Variants in PHF24 observed in about 807,000 individuals in gnomAD.
PHF24 encodes the protein Galpha inhibitory interacting protein.
A neutral mutation model predicts 42.6 loss-of-function variants in PHF24; 25 were observed. That is an observed-to-expected ratio of 0.59 (90% CI 0.43 to 0.82). The LOEUF is 0.82. PHF24 is among the 40% of genes least tolerant of loss of function. The pLI is 0.00. For synonymous variants in PHF24, 185 were observed against 204.8 expected, an observed-to-expected ratio of 0.90 and a Z score of 0.83; for missense variants, 470 against 538.1, an observed-to-expected ratio of 0.87 and a Z score of 1.25.
chr9:34,926,160 C>T, the PHF24 span, among the ~76,000 whole-genome samples: 3 of 152,200 alleles, frequency 2.0e-5, no homozygotes, highest in Non-Finnish European at 4.4e-5. This position sits in a 1 kb window ranked among gnomAD's most constrained non-coding sequence, Gnocchi z 4.3. Context: ...GCCTGTTTCT[C>T]AGGTCAGAGG....
chr9:34,719,399 A>C, the PHF24 span, among the ~76,000 whole-genome samples: 4 of 152,140 alleles, frequency 2.6e-5, no homozygotes, highest in African/African-American at 9.6e-5. Context: ...GCCTCTCTTC[A>C]CCCTGGGGAA....
chr9:34,729,118 G>A, the PHF24 span, among the ~76,000 whole-genome samples: 2 of 152,168 alleles, frequency 1.3e-5, no homozygotes, highest in Non-Finnish European at 2.9e-5. Flanking sequence ...TATGTTGCGG[G>A]AAGGGCCTGG....
chr9:34,786,876 C>A, the PHF24 span, among the ~76,000 whole-genome samples: 1 of 152,156 alleles, frequency 6.6e-6, no homozygotes, highest in Non-Finnish European at 1.5e-5. Flanking sequence ...ATCAGACACA[C>A]CATTTGGTGT....
At chr9:34,671,693 C>A in the PHF24 span, among the ~76,000 whole-genome samples, 1 of 152,158 alleles carries the variant, frequency 6.6e-6, no homozygotes, top group Non-Finnish European at 1.5e-5. Context: ...AACTGTTCTG[C>A]CAGACCCAAG....
At chr9:34,869,875 A>T in the PHF24 span, among the ~76,000 whole-genome samples, 1 of 152,066 alleles carries the variant, frequency 6.6e-6, no homozygotes, top group South Asian at 2.1e-4. Flanking sequence ...CTGACTTTTC[A>T]TCCTTGTTAG....
chr9:34,774,341 A>G, the PHF24 span, among the ~76,000 whole-genome samples: 1 of 152,252 alleles, frequency 6.6e-6, no homozygotes, highest in African/African-American at 2.4e-5. Flanking sequence ...CTTGCAAATC[A>G]TATATCTGAT....
the PHF24 span, among the ~76,000 whole-genome samples, chr9:34,894,088 GAAT>G: frequency 6.6e-6 from 1 of 152,230 alleles, no homozygotes; most frequent in African/African-American, 2.4e-5. Context: ...GGAATAAAGA[GAAT>G]AAGACAGGGA....
chr9:34,846,604 T>G, the PHF24 span, among the ~76,000 whole-genome samples: 6 of 152,264 alleles, frequency 3.9e-5, no homozygotes, highest in South Asian at 1.2e-3. Flanking sequence ...TTTAGTTTAA[T>G]TAGATCCCAT....
chr9:34,929,587 G>A, the PHF24 span, among the ~76,000 whole-genome samples: 1 of 152,214 alleles, frequency 6.6e-6, no homozygotes, highest in South Asian at 2.1e-4. Context: ...ACTGGGATCT[G>A]TTGAAGAATT....
At chr9:34,960,827 C>CA (rs919320639) in intron 1 of PHF24, among the ~76,000 whole-genome samples, 6 of 152,152 alleles carry the variant, frequency 3.9e-5, no homozygotes, top group Non-Finnish European at 8.8e-5. Context: ...CATGAGTCTG[C>CA]AAATCAAATC....
the PHF24 span, among the ~76,000 whole-genome samples, chr9:34,737,477 G>T: frequency 6.6e-6 from 1 of 152,002 alleles, no homozygotes; most frequent in Non-Finnish European, 1.5e-5. Context: ...CCAGTTTTTG[G>T]CTACCATGAA....
chr9:34,774,602 T>C, the PHF24 span, among the ~76,000 whole-genome samples: 1 of 152,096 alleles, frequency 6.6e-6, no homozygotes, highest in African/African-American at 2.4e-5. Flanking sequence ...TGAAACCCTC[T>C]CTCCACTAAA....
At chr9:34,938,563 C>T in the PHF24 span, among the ~76,000 whole-genome samples, 8,769 of 152,146 alleles carry the variant, frequency 0.058, 284 homozygotes, top group Non-Finnish European at 0.071. Flanking sequence ...CACTTACTGG[C>T]GATATAACCC....
chr9:34,880,557 C>G, the PHF24 span, among the ~76,000 whole-genome samples: 1 of 152,096 alleles, frequency 6.6e-6, no homozygotes, highest in Non-Finnish European at 1.5e-5. Context: ...GGTTGCAGTC[C>G]TAGTCTCTTA....
At chr9:34,836,284 G>T in the PHF24 span, among the ~76,000 whole-genome samples, 1 of 152,208 alleles carries the variant, frequency 6.6e-6, no homozygotes, top group African/African-American at 2.4e-5. Flanking sequence ...AGAAGGGCAT[G>T]GCCCTCAGAG....
chr9:34,736,127 C>T, the PHF24 span, among the ~76,000 whole-genome samples: 23 of 151,324 alleles, frequency 1.5e-4, no homozygotes, highest in African/African-American at 3.9e-4. Context: ...AGAAATTATC[C>T]GACACGAAAC....
At chr9:34,727,924 C>A in the PHF24 span, 5 of 1,141,366 alleles carry the variant, frequency 4.4e-6, no homozygotes, top group Non-Finnish European at 6.2e-6. Flanking sequence ...GTCTCCCTCC[C>A]AGCCATTATC....
At chr9:34,883,928 C>T in the PHF24 span, among the ~76,000 whole-genome samples, 2 of 152,170 alleles carry the variant, frequency 1.3e-5, no homozygotes, top group African/African-American at 2.4e-5. Context: ...ATGTTTATTG[C>T]AGCACTATTC....
the PHF24 span, chr9:34,894,394 C>A: frequency 2.5e-6 from 1 of 398,524 alleles, no homozygotes; most frequent in South Asian, 1.3e-4. Context: ...GAGAAATGAT[C>A]ACAGACCAGA....
Sources: allele counts gnomAD v4.1 joint callset (sites outside exome capture counted in the v4.1 genomes callset), GRCh38; gene constraint gnomAD v4.1.1; non-coding constraint Gnocchi (gnomAD v3.1); transcripts MANE v1.5; gene names NCBI Gene and HGNC (gene_info 2026-07-23, HGNC 2026-07-21).